SEMA3A: variants seen among roughly 807,000 people sequenced by gnomAD.
The protein encoded by SEMA3A is semaphorin 3A.
SEMA3A carries 29 observed loss-of-function variants against 97.9 expected under a neutral mutation model. The ratio of observed to expected loss-of-function variants is 0.30; its 90% confidence interval spans 0.22 to 0.40. The LOEUF (loss-of-function observed/expected upper bound fraction) is 0.40. SEMA3A is among the 10% of genes least tolerant of loss of function. The probability of loss-of-function intolerance (pLI) is 1.00; values close to 1 mark genes in which losing one functional copy is unlikely to be tolerated. For synonymous variants in SEMA3A, 321 were observed against 323.7 expected (o/e 0.99, Z 0.09); for missense variants, 763 against 951.3 (o/e 0.80, Z 2.60).
chr7:84,179,520 A>G (rs1201406450), intron 1 of SEMA3A, among the ~76,000 whole-genome samples: 1 of 152,182 alleles, frequency 6.6e-6, no homozygotes, highest in Non-Finnish European at 1.5e-5. Context: ...TCATAGAATA[A>G]TTAACAAGTC....
At chr7:84,302,978 A>G (rs1801058189) in intron 3 of SEMA3A, among the ~76,000 whole-genome samples, 1 of 152,228 alleles carries the variant, frequency 6.6e-6, no homozygotes, top group Non-Finnish European at 1.5e-5. Context: ...AAAGAAAAGA[A>G]CAGTTTGAGG....
At chr7:84,368,046 A>G (rs1381434900) in intron 2 of SEMA3A, among the ~76,000 whole-genome samples, 1 of 151,306 alleles carries the variant, frequency 6.6e-6, no homozygotes, top group Non-Finnish European at 1.5e-5. Context: ...TAACTTGAGT[A>G]TATAAGTGAG....
intron 1 of SEMA3A, among the ~76,000 whole-genome samples, chr7:84,385,946 G>T (rs1333541728): frequency 6.6e-6 from 1 of 152,170 alleles, no homozygotes; most frequent in East Asian, 1.9e-4. Flanking sequence ...GCCAAATACA[G>T]TTAATAGCAG....
chr7:84,225,526 G>A (rs1436069341), intron 3 of SEMA3A, among the ~76,000 whole-genome samples: 1 of 152,096 alleles, frequency 6.6e-6, no homozygotes, highest in Non-Finnish European at 1.5e-5. Flanking sequence ...AAGCAACAAA[G>A]AATGAATGCA....
At chr7:84,052,401 T>C (rs1490565006) in intron 5 of SEMA3A, among the ~76,000 whole-genome samples, 3 of 152,214 alleles carry the variant, frequency 2.0e-5, no homozygotes, top group Admixed American at 1.3e-4. Flanking sequence ...CTGTTATTGG[T>C]CTATTCAGAG....
intron 4 of SEMA3A, among the ~76,000 whole-genome samples, chr7:84,086,892 T>TCA (rs1794395983): frequency 6.7e-6 from 1 of 149,200 alleles, no homozygotes; most frequent in Non-Finnish European, 1.5e-5. Flanking sequence ...ATGCATGCTT[T>TCA]CATCATGTTA....
chr7:84,191,890 A>T (rs914736940), intron 1 of SEMA3A, among the ~76,000 whole-genome samples: 1 of 151,776 alleles, frequency 6.6e-6, no homozygotes, highest in Non-Finnish European at 1.5e-5. Flanking sequence ...CCTTTTTCCT[A>T]GAAAGTAAAG....
chr7:84,423,617 A>G (rs557116570), intron 1 of SEMA3A, among the ~76,000 whole-genome samples: 1 of 152,024 alleles, frequency 6.6e-6, no homozygotes, highest in East Asian at 1.9e-4. Flanking sequence ...ATTTAAACCT[A>G]TATCTATCTA....
chr7:84,180,531 T>C (rs1177873307), intron 1 of SEMA3A, among the ~76,000 whole-genome samples: 2 of 151,624 alleles, frequency 1.3e-5, no homozygotes, highest in African/African-American at 2.4e-5. Context: ...CTACTAAAAA[T>C]ACAAAAATTA....
intron 12 of SEMA3A, among the ~76,000 whole-genome samples, chr7:83,989,461 TC>T (rs1554386707): frequency 1.8e-5 from 1 of 54,234 alleles, no homozygotes; most frequent in Admixed American, 2.0e-4. Context: ...ATGCTATCCC[TC>T]CCCCCTCCCC....
At chr7:83,992,214 T>G (rs1283539488) in intron 12 of SEMA3A, among the ~76,000 whole-genome samples, 1 of 151,494 alleles carries the variant, frequency 6.6e-6, no homozygotes, top group Non-Finnish European at 1.5e-5. Context: ...TCTCTTTTTT[T>G]CTTTATTAGT....
intron 1 of SEMA3A, among the ~76,000 whole-genome samples, chr7:84,171,807 T>G (rs1797391590): frequency 6.6e-6 from 1 of 152,140 alleles, no homozygotes; most frequent in South Asian, 2.1e-4. Context: ...ATTTTAAACT[T>G]TTTTTACTAA....
In SEMA3A at chr7:84,463,237, C is replaced by CTTTTTTTTTTTTTTTTTTT. The variant is rs59465422; in HGVS notation, c.-246+29204_-246+29222dup. On this transcript the variant is annotated intron_variant, in intron 1 of 3. Coordinates refer to the SEMA3A transcript ENST00000424555. Reference sequence around the variant, plus strand: ...ATTACTTTAGTATTTTGTAACTATTCTTTTTTTTTTTTTTTTTTTTTTTTT... The same window carrying CTTTTTTTTTTTTTTTTTTT: ...ATTACTTTAGTATTTTGTAACTATTCTTTTTTTTTTTTTTTTTTTTTTTTTTTTTTTTTTTTTTTTTTTT... Among the ~76,000 whole-genome samples, 4 of 71,350 alleles carry CTTTTTTTTTTTTTTTTTTT rather than the reference C, an allele frequency of 5.6e-5. 1 individual carries two copies. Among genetic ancestry groups the CTTTTTTTTTTTTTTTTTTT allele is most frequent in the African/African-American group, 2.2e-4 (4 of 17,916 alleles). 46.8% of individuals were successfully genotyped at this position (71,350 alleles called of 152,430 possible). A position where few individuals can be genotyped will look rare whatever the true frequency, so the allele number is the denominator to read the frequency against.
intron 1 of SEMA3A, among the ~76,000 whole-genome samples, chr7:84,408,030 A>G (rs1804151795): frequency 6.6e-6 from 1 of 152,244 alleles, no homozygotes; most frequent in Non-Finnish European, 1.5e-5. Flanking sequence ...AACAAAAGCC[A>G]AAATTGACAA....
Position 84,060,402 on chromosome 7 carries a change from G to A in SEMA3A, c.547+63C>T, listed in dbSNP as rs566297112. On this transcript the variant is annotated intron_variant, in intron 5 of 16. Coordinates refer to ENST00000265362, the MANE Select transcript of SEMA3A (RefSeq NM_006080.3). ...ATGGAAAATCTTGGTAGATAAAAAA[G>A]AACATACAACCTGTTTGTTATTTAT... 255 of 1,008,566 alleles carry A rather than the reference G, an allele frequency of 2.5e-4. 1 individual carries two copies. In the East Asian group the frequency reaches 6.6e-3, roughly 26 times the overall value. The allele number at this position is 1,008,566 out of a possible 1,614,324, so 62.5% of individuals were successfully genotyped here. A position where few individuals can be genotyped will look rare whatever the true frequency, so the allele number is the denominator to read the frequency against.
intron 3 of SEMA3A, among the ~76,000 whole-genome samples, chr7:84,269,805 G>A (rs527929433): frequency 6.6e-6 from 1 of 151,932 alleles, no homozygotes; most frequent in Admixed American, 6.6e-5. Context: ...ATTACTTTTA[G>A]GTAAAATATT....
intron 1 of SEMA3A, among the ~76,000 whole-genome samples, chr7:84,422,048 G>T (rs1295844592): frequency 6.6e-6 from 1 of 152,012 alleles, no homozygotes; most frequent in Non-Finnish European, 1.5e-5. Flanking sequence ...AGTTAGAGAG[G>T]AATCTTTCTT....
chr7:84,048,011 T>A (rs1354579278), intron 5 of SEMA3A, among the ~76,000 whole-genome samples: 1 of 152,018 alleles, frequency 6.6e-6, no homozygotes, highest in Non-Finnish European at 1.5e-5. Context: ...AACATGTTAT[T>A]ACTCTAAACA....
chr7:84,207,309 G>A (rs1021645648), intron 3 of SEMA3A, among the ~76,000 whole-genome samples: 3 of 152,172 alleles, frequency 2.0e-5, no homozygotes, highest in African/African-American at 7.2e-5. Context: ...AAGAGACAAA[G>A]CTGGCTGTCA....
Sources: gnomAD v4.1 joint callset for allele counts (sites outside exome capture counted in the v4.1 genomes callset) on GRCh38, gnomAD v4.1.1 for gene constraint, MANE v1.5 for transcripts, NCBI Gene and HGNC (gene_info 2026-07-23, HGNC 2026-07-21) for gene names.